MNAT1: variants seen among roughly 807,000 people sequenced by gnomAD.
MNAT1 encodes the protein CDK-activating kinase assembly factor MAT1.
A neutral mutation model predicts 42.0 loss-of-function variants in MNAT1; 43 were observed. That is an observed-to-expected ratio of 1.02 (90% confidence interval 0.80 to 1.32). MNAT1 has a LOEUF of 1.32. Among genes scored for constraint, MNAT1 ranks in the 40% most tolerant of loss-of-function variants. The pLI, the probability that MNAT1 is intolerant of heterozygous loss-of-function variation, is 0.00. For missense variants in MNAT1, 306 were observed against 350.4 expected (o/e 0.87, Z 1.01); for synonymous variants, 118 against 120.0 (o/e 0.98, Z 0.11).
intron 6 of MNAT1, among the ~76,000 whole-genome samples, chr14:60,864,343 A>G (rs1252538532): frequency 6.6e-6 from 1 of 151,994 alleles, no homozygotes; most frequent in Non-Finnish European, 1.5e-5. Flanking sequence ...TTGTGGTGGT[A>G]TACTTTCTGC....
At chr14:60,865,083 T>C (rs752663141) in intron 6 of MNAT1, among the ~76,000 whole-genome samples, 1 of 152,042 alleles carries the variant, frequency 6.6e-6, no homozygotes, top group Non-Finnish European at 1.5e-5. Context: ...TCCTGATACA[T>C]ACCAACTACT....
In MNAT1 at chr14:60,890,486, C is replaced by T. The variant is rs568446941; in HGVS notation, c.809+10651C>T. On this transcript the variant is annotated intron_variant, in intron 7 of 7. Coordinates refer to ENST00000261245, the MANE Select transcript of MNAT1 (RefSeq NM_002431.4). ...AGGGGAGTTTATTACGGAGTATTGA[C>T]TCACACGATCACAAGGTGAAGCCCC... Among the ~76,000 whole-genome samples, 10 of 152,206 alleles carry T rather than the reference C, an allele frequency of 6.6e-5. No homozygotes were observed. In the South Asian group the frequency reaches 2.1e-3, roughly 32 times the overall value.
intron 7 of MNAT1, among the ~76,000 whole-genome samples, chr14:60,934,749 G>C (rs903777213): frequency 2.0e-5 from 3 of 152,160 alleles, no homozygotes; most frequent in African/African-American, 7.2e-5. Flanking sequence ...CAGACCATAT[G>C]TCACATTGCT....
At chr14:60,741,288 G>A (rs1896452698) in intron 1 of MNAT1, among the ~76,000 whole-genome samples, 1 of 152,104 alleles carries the variant, frequency 6.6e-6, no homozygotes, top group Middle Eastern at 3.2e-3. Flanking sequence ...TGATCCTCCT[G>A]CCTCATCCTC....
In MNAT1 at chr14:60,801,036, G is replaced by A. The variant is rs187074708; in HGVS notation, c.316+2876G>A. 2.6e-5 allele frequency among the ~76,000 whole-genome samples: 4 copies of A among 152,196 alleles called. No individual in the cohort carries two copies. In the East Asian group the frequency reaches 7.7e-4, roughly 29 times the overall value. ...TAAATAGGCATTTATAAAATGCTAT[G>A]GGAATACAGATAAAGCAATTAACCT... On this transcript the variant is annotated intron_variant, in intron 3 of 7. Coordinates refer to ENST00000261245, the MANE Select transcript of MNAT1 (RefSeq NM_002431.4).
intron 6 of MNAT1, among the ~76,000 whole-genome samples, chr14:60,836,909 T>C (rs2033406699): frequency 6.6e-6 from 1 of 152,210 alleles, no homozygotes; most frequent in Non-Finnish European, 1.5e-5. Flanking sequence ...TTACTGGGGC[T>C]GCTGCCTTTC....
intron 1 of MNAT1, among the ~76,000 whole-genome samples, chr14:60,795,154 C>T (rs1284250518): frequency 1.3e-5 from 2 of 152,082 alleles, no homozygotes; most frequent in South Asian, 2.1e-4. Flanking sequence ...TCAAAACATT[C>T]GAATATTTAA....
intron 7 of MNAT1, among the ~76,000 whole-genome samples, chr14:60,966,389 G>A (rs2036683840): frequency 6.6e-6 from 1 of 152,056 alleles, no homozygotes; most frequent in South Asian, 2.1e-4. Flanking sequence ...CAGAGTGCTG[G>A]GCTCACAGGT....
intron 7 of MNAT1, among the ~76,000 whole-genome samples, chr14:60,929,164 AAAAAAAATAT>A (rs2035830418): frequency 1.7e-5 from 2 of 119,356 alleles, no homozygotes; most frequent in African/African-American, 7.6e-5. Flanking sequence ...AAAAAAAAAA[AAAAAAAATAT>A]ATATATATAT....
Position 60,811,976 on chromosome 14 carries a change from T to G in MNAT1, c.421-11T>G, listed in dbSNP as rs761060103. On this transcript the variant is annotated splice_polypyrimidine_tract_variant and intron_variant, in intron 4 of 7. Transcript: ENST00000261245. ...AATTTATTCCACGCCATATATAAAT[T>G]TTTGTTTTAGACTCGAGAACAGGAA... The G allele has an allele frequency of 6.4e-7, 1 of 1,554,564 alleles. No individual in the cohort carries two copies. The highest frequency in any genetic ancestry group is 2.3e-5 in the East Asian group (1 of 43,970).
At chr14:60,808,685 C>T (rs569805869) in intron 4 of MNAT1, 15 of 207,272 alleles carry the variant, frequency 7.2e-5, no homozygotes, top group Middle Eastern at 1.7e-3. Context: ...TGATTGTTAA[C>T]GCTAGTTTTA....
chr14:60,816,066 T>C (rs1209574597), intron 5 of MNAT1, among the ~76,000 whole-genome samples: 2 of 152,184 alleles, frequency 1.3e-5, no homozygotes, highest in Non-Finnish European at 2.9e-5. Context: ...TTTGTAAATA[T>C]GTCTAGAAGC....
chr14:60,841,743 A>G (rs1297395459), intron 6 of MNAT1, among the ~76,000 whole-genome samples: 3 of 152,232 alleles, frequency 2.0e-5, no homozygotes, highest in Non-Finnish European at 2.9e-5. Flanking sequence ...TAAGTTAGCT[A>G]TAATCTATTA....
intron 7 of MNAT1, among the ~76,000 whole-genome samples, chr14:60,936,674 T>C (rs377191382): frequency 1.3e-5 from 2 of 152,174 alleles, no homozygotes; most frequent in African/African-American, 4.8e-5. Flanking sequence ...TGAATAGTGC[T>C]GCAATAAACA....
At chr14:60,909,610 G>T (rs1346070937) in intron 7 of MNAT1, among the ~76,000 whole-genome samples, 1 of 151,964 alleles carries the variant, frequency 6.6e-6, no homozygotes, top group Non-Finnish European at 1.5e-5. Flanking sequence ...TTTTTCTCAG[G>T]TTTGTCAAAG....
intron 1 of MNAT1, among the ~76,000 whole-genome samples, chr14:60,736,253 T>C (rs1397490893): frequency 1.3e-5 from 2 of 152,202 alleles, no homozygotes; most frequent in South Asian, 4.2e-4. Flanking sequence ...TCTCCATTTT[T>C]CTTTATCAGG....
chr14:60,957,625 T>C (rs531151563), intron 7 of MNAT1, among the ~76,000 whole-genome samples: 90 of 152,300 alleles, frequency 5.9e-4, no homozygotes, highest in African/African-American at 2.1e-3. Context: ...AACCATATCA[T>C]TCTTCTCTTA....
intron 6 of MNAT1, among the ~76,000 whole-genome samples, chr14:60,861,424 G>A (rs1420597585): frequency 6.6e-6 from 1 of 152,114 alleles, no homozygotes; most frequent in East Asian, 1.9e-4. Flanking sequence ...AAATTTCTTT[G>A]TTAAGGGAAG....
chr14:60,926,764 G>A (rs775482396), intron 7 of MNAT1, among the ~76,000 whole-genome samples: 9 of 152,050 alleles, frequency 5.9e-5, no homozygotes, highest in Non-Finnish European at 1.3e-4. Flanking sequence ...TATATCATTG[G>A]CCATTGGTGA....
Sources: gnomAD v4.1 joint callset for allele counts (sites outside exome capture counted in the v4.1 genomes callset) on GRCh38, gnomAD v4.1.1 for gene constraint, MANE v1.5 for transcripts, NCBI Gene and HGNC (gene_info 2026-07-23, HGNC 2026-07-21) for gene names.